ROBO1: variants seen among roughly 807,000 people sequenced by gnomAD.
ROBO1 encodes the protein roundabout guidance receptor 1.
ROBO1 carries 149 observed loss-of-function variants against 195.9 expected under a neutral mutation model. The observed-to-expected ratio is 0.76, with a 90% confidence interval of 0.67 to 0.87. The LOEUF (loss-of-function observed/expected upper bound fraction) is 0.87, where lower values mean the gene tolerates loss of function less well. ROBO1 is among the 40% of genes least tolerant of loss of function. The probability of loss-of-function intolerance (pLI) is 0.00; values close to 1 mark genes in which losing one functional copy is unlikely to be tolerated. For missense variants in ROBO1, 1,933 were observed against 2,068.3 expected (o/e 0.93, Z 1.27); for synonymous variants, 816 against 733.2 (o/e 1.11, Z -1.82).
rs183854358 is a variant in ROBO1, at chr3:79,087,759, A to C, written c.172+37697T>G. On this transcript the variant is annotated intron_variant, in intron 3 of 30. Transcript: ENST00000464233. ...GTGAATCAAGGAAAAATTTAGAAAA[A>C]AAGTCTTTTGTTGGAGAAACAAAAG... Among the ~76,000 whole-genome samples the C allele has an allele frequency of 2.0e-5, 3 of 152,254 alleles. No individual in the cohort carries two copies. The East Asian group carries it at 5.8e-4, about 29-fold the overall frequency.
chr3:78,822,938 T>C (rs1355475587), intron 4 of ROBO1, among the ~76,000 whole-genome samples: 2 of 152,248 alleles, frequency 1.3e-5, no homozygotes, highest in East Asian at 3.8e-4. Context: ...TGCCTTCCTA[T>C]TCTGTCACAC....
intron 1 of ROBO1, among the ~76,000 whole-genome samples, chr3:79,619,454 C>G (rs1944933555): frequency 6.6e-6 from 1 of 152,108 alleles, no homozygotes; most frequent in South Asian, 2.1e-4. Context: ...CCCATACATA[C>G]TCGATAATGG....
At chr3:79,530,360 G>C (rs1054097281) in intron 2 of ROBO1, among the ~76,000 whole-genome samples, 5 of 151,978 alleles carry the variant, frequency 3.3e-5, no homozygotes, top group African/African-American at 9.7e-5. Flanking sequence ...CTGAGTTCGA[G>C]AGAGATTTTT....
At chr3:79,756,802 T>C (rs1704430595) in intron 1 of ROBO1, among the ~76,000 whole-genome samples, 1 of 152,142 alleles carries the variant, frequency 6.6e-6, no homozygotes, top group Admixed American at 6.5e-5. Flanking sequence ...CATTAAACAA[T>C]AACTTTCCAT....
chr3:79,028,947 C>T (rs982096705), intron 3 of ROBO1, among the ~76,000 whole-genome samples: 7 of 152,014 alleles, frequency 4.6e-5, no homozygotes, highest in East Asian at 1.9e-4. Context: ...AAGACATAAG[C>T]GCTTTTCCTA....
intron 3 of ROBO1, among the ~76,000 whole-genome samples, chr3:79,068,301 A>C (rs1350799345): frequency 6.6e-6 from 1 of 151,856 alleles, no homozygotes; most frequent in East Asian, 2.0e-4. Context: ...CATGCAATGA[A>C]TGATATGGAT....
intron 4 of ROBO1, among the ~76,000 whole-genome samples, chr3:78,878,823 T>C (rs1171639917): frequency 1.3e-5 from 2 of 152,120 alleles, no homozygotes; most frequent in African/African-American, 4.8e-5. Context: ...AGACCAAAAG[T>C]TGAATATCAC....
chr3:78,669,549 C>T (rs767292437), intron 11 of ROBO1, among the ~76,000 whole-genome samples: 1 of 152,160 alleles, frequency 6.6e-6, no homozygotes, highest in South Asian at 2.1e-4. Flanking sequence ...GGATATGATG[C>T]CCTGTGAAAG....
chr3:78,730,317 G>T (rs2082259574), intron 5 of ROBO1, among the ~76,000 whole-genome samples: 1 of 64,542 alleles, frequency 1.5e-5, no homozygotes, highest in African/African-American at 3.0e-5. Flanking sequence ...CGTATAACTT[G>T]TTACCCTTGA....
At chr3:79,739,827 T>A (rs1263365225) in intron 1 of ROBO1, among the ~76,000 whole-genome samples, 1 of 152,136 alleles carries the variant, frequency 6.6e-6, no homozygotes, top group Non-Finnish European at 1.5e-5. Flanking sequence ...GATACACTGT[T>A]AAAGCAATGT....
Position 79,599,431 on chromosome 3 carries a change from C to T in ROBO1, c.-50-9470G>A, listed in dbSNP as rs140690818. Among the ~76,000 whole-genome samples the T allele has an allele frequency of 5.6e-3, 848 of 152,028 alleles. 7 individuals carry two copies. Among genetic ancestry groups the T allele is most frequent in the African/African-American group, 0.017 (686 of 41,492 alleles). ...ATATAAAATCAATAAAACAGTAAGA[C>T]GGTTGTCAACTGCTGGCTAGACTAT... On this transcript the variant is annotated intron_variant, in intron 1 of 30. Coordinates refer to ENST00000464233, the MANE Select transcript of ROBO1 (RefSeq NM_002941.4).
intron 1 of ROBO1, among the ~76,000 whole-genome samples, chr3:79,674,341 A>T (rs1384507404): frequency 6.6e-6 from 1 of 151,996 alleles, no homozygotes; most frequent in Non-Finnish European, 1.5e-5. Context: ...CAATGCATGT[A>T]AATAATTAAT....
At chr3:79,697,435 C>A (rs1947480179) in intron 1 of ROBO1, among the ~76,000 whole-genome samples, 1 of 151,318 alleles carries the variant, frequency 6.6e-6, no homozygotes, top group Non-Finnish European at 1.5e-5. Context: ...AAATGGTCAT[C>A]ATATCTTAAG....
chr3:78,904,436 T>TTTC (rs1181222316), intron 4 of ROBO1, among the ~76,000 whole-genome samples: 1 of 152,088 alleles, frequency 6.6e-6, no homozygotes, highest in East Asian at 1.9e-4. Context: ...ATTCCATTTC[T>TTTC]TTCTTCTGGC....
chr3:78,630,469 T>C (rs896634695), intron 25 of ROBO1, among the ~76,000 whole-genome samples: 4 of 152,216 alleles, frequency 2.6e-5, no homozygotes, highest in Admixed American at 6.5e-5. Flanking sequence ...AGGAATGATG[T>C]CTTTACAGCA....
intron 2 of ROBO1, among the ~76,000 whole-genome samples, chr3:79,265,781 C>A (rs116557135): frequency 1.3e-5 from 2 of 151,296 alleles, no homozygotes; most frequent in Non-Finnish European, 3.0e-5. Context: ...ATAATCATGT[C>A]ATATTTTTTA....
At chr3:78,937,266 A>T (rs1451219580) in intron 4 of ROBO1, among the ~76,000 whole-genome samples, 3 of 151,916 alleles carry the variant, frequency 2.0e-5, no homozygotes, top group Middle Eastern at 6.3e-3. Flanking sequence ...ATAATTTTAT[A>T]ATTATATCAA....
intron 1 of ROBO1, among the ~76,000 whole-genome samples, chr3:79,697,338 A>C (rs1947477283): frequency 6.6e-6 from 1 of 151,534 alleles, no homozygotes; most frequent in African/African-American, 2.4e-5. Context: ...TAATTCAAGA[A>C]TTAGAGAATA....
At chr3:78,787,057 C>T (rs1203348018) in intron 4 of ROBO1, among the ~76,000 whole-genome samples, 1 of 152,140 alleles carries the variant, frequency 6.6e-6, no homozygotes. Context: ...TTTGATAAAA[C>T]ACAGATTGCT....
Sources: gnomAD v4.1 joint callset for allele counts (sites outside exome capture counted in the v4.1 genomes callset) on GRCh38, gnomAD v4.1.1 for gene constraint, MANE v1.5 for transcripts, NCBI Gene and HGNC (gene_info 2026-07-23, HGNC 2026-07-21) for gene names.